The following PFDN1 variants were observed in gnomAD, a reference collection of about 807,000 sequenced individuals.
The protein encoded by PFDN1 is prefoldin 1.
A neutral mutation model predicts 17.3 loss-of-function variants in PFDN1; 6 were observed. The ratio of observed to expected loss-of-function variants is 0.35; its 90% confidence interval spans 0.19 to 0.69. The LOEUF (loss-of-function observed/expected upper bound fraction) is 0.69, where lower values mean the gene tolerates loss of function less well. Ranked by LOEUF, PFDN1 falls within the 30% of genes least tolerant of loss-of-function variation. The probability of loss-of-function intolerance (pLI) is 0.65; values close to 1 mark genes in which losing one functional copy is unlikely to be tolerated. For synonymous variants in PFDN1, 58 were observed against 50.1 expected (o/e 1.16, Z -0.67); for missense variants, 113 against 146.2 (o/e 0.77, Z 1.17).
rs779736593 is a variant in PFDN1, at chr5:140,300,444, T to A, written c.172A>T (p.Thr58Ser). Residue 58 changes from threonine to serine, a missense_variant, in exon 2 of 4, where the codon ACT (threonine) becomes TCT (serine). Transcript: ENST00000261813. ...DTEIMTLVDE[T>S]NMYEGVGRMF... The stretch of plus-strand genomic sequence containing the variant: ...CTTCCTACACCTTCATACATGTTAG[T>A]CTCATCTACCAAAGTCATGATCTCT... The A allele has an allele frequency of 1.2e-6, 2 of 1,610,228 alleles. No individual in the cohort carries two copies. The highest frequency in any genetic ancestry group is 2.7e-5 in the African/African-American group (2 of 74,856).
At chr5:140,279,020 C>CAA (rs11445186) in intron 3 of PFDN1, among the ~76,000 whole-genome samples, 44 of 151,818 alleles carry the variant, frequency 2.9e-4, no homozygotes, top group Admixed American at 9.2e-4. Flanking sequence ...TGATGGGAAT[C>CAA]AAAAAAAGAA....
chr5:140,258,734 G>A (rs1278109483), intron 3 of PFDN1, among the ~76,000 whole-genome samples: 1 of 152,192 alleles, frequency 6.6e-6, no homozygotes, highest in Non-Finnish European at 1.5e-5. Flanking sequence ...ACTGGCTTGA[G>A]GGTGCTGCCT....
chr5:140,274,941 C>A (rs1267628235), intron 3 of PFDN1, among the ~76,000 whole-genome samples: 1 of 145,398 alleles, frequency 6.9e-6, no homozygotes, highest in African/African-American at 2.6e-5. Flanking sequence ...TGCAGTGAGC[C>A]GAGATTGTGA....
At chr5:140,264,020 CAAAAAAAAAAAAAAAAAAAAAAAA>C (rs58605224) in intron 3 of PFDN1, among the ~76,000 whole-genome samples, 24,546 of 55,920 alleles carry the variant, frequency 0.44, 3,087 homozygotes, top group East Asian at 0.53. Flanking sequence ...GACTCCATCT[CAAAAAAAAAAAAAAAAAAAAAAAA>C]AAAAAAAAAA....
Position 140,283,279 on chromosome 5 carries a change from C to T in PFDN1, c.201-1746G>A, listed in dbSNP as rs570992570. Among the ~76,000 whole-genome samples the T allele has an allele frequency of 2.6e-5, 4 of 152,248 alleles. No individual in the cohort carries two copies. In the South Asian group the frequency reaches 8.3e-4, roughly 32 times the overall value. ...ACGGAGTCTCGCTCTGTTGCCCAGG[C>T]TGGAGTGCAGTGGCATGATCTTGGC... On this transcript the variant is annotated intron_variant, in intron 2 of 3. Transcript: ENST00000261813.
intron 3 of PFDN1, among the ~76,000 whole-genome samples, chr5:140,273,260 A>AAG (rs980848647): frequency 3.9e-5 from 6 of 151,964 alleles, no homozygotes; most frequent in African/African-American, 1.2e-4. Flanking sequence ...AAAAAAAAAA[A>AAG]AGAGAAAAAC....
At chr5:140,258,797 T>A (rs981129819) in intron 3 of PFDN1, among the ~76,000 whole-genome samples, 1 of 152,198 alleles carries the variant, frequency 6.6e-6, no homozygotes, top group African/African-American at 2.4e-5. Flanking sequence ...GGGAAGATTC[T>A]GAGCTTCGTT....
At chr5:140,300,364 C>A in intron 2 of PFDN1, 52 bp downstream of exon 2, 1 of 1,343,416 alleles carries the variant, frequency 7.4e-7, no homozygotes. Context: ...TTCTATTTAA[C>A]TCGGACAAAA....
chr5:140,270,701 G>A (rs567183778), intron 3 of PFDN1, among the ~76,000 whole-genome samples: 304 of 152,212 alleles, frequency 2.0e-3, no homozygotes, highest in Middle Eastern at 0.017. Flanking sequence ...CGAGGCGGGC[G>A]GATAACGGGG....
At chr5:140,253,713 C>T (rs563387452) in intron 3 of PFDN1, among the ~76,000 whole-genome samples, 3 of 152,332 alleles carry the variant, frequency 2.0e-5, no homozygotes, top group East Asian at 3.9e-4. Flanking sequence ...CAGCAAATCA[C>T]GTCAAGTGAT....
intron 2 of PFDN1, among the ~76,000 whole-genome samples, chr5:140,294,477 C>T (rs1765624703): frequency 6.6e-6 from 1 of 151,980 alleles, no homozygotes; most frequent in African/African-American, 2.4e-5. Context: ...GAGCATACCC[C>T]TTTCTATTAA....
intron 2 of PFDN1, among the ~76,000 whole-genome samples, chr5:140,286,271 G>A (rs1209070631): frequency 6.6e-6 from 1 of 151,358 alleles, no homozygotes; most frequent in Non-Finnish European, 1.5e-5. Flanking sequence ...AAATTAGCCG[G>A]TGTGGTGGCG....
At chr5:140,274,992 CAA>C (rs1268320654) in intron 3 of PFDN1, among the ~76,000 whole-genome samples, 21 of 65,612 alleles carry the variant, frequency 3.2e-4, no homozygotes, top group Admixed American at 3.5e-4. Context: ...GACTTCATCT[CAA>C]AAAAAAAAAA....
rs1330591616 is a variant in PFDN1, at chr5:140,281,533, C to G, written c.201G>C (p.Met67Ile). Residue 67 changes from methionine (M) to isoleucine (I), a missense_variant and splice_region_variant, in exon 3 of 4, where the codon ATG becomes ATC. By Grantham distance (10) the Met-to-Ile change is conservative. Coordinates refer to ENST00000261813, the MANE Select transcript of PFDN1 (RefSeq NM_002622.5). ...TTGCTTCCTTGGACTGAAGAATAAACCTATGAAACACAAGAAAGTTGAAAA... is the reference window on the plus strand; with the variant it reads ...TTGCTTCCTTGGACTGAAGAATAAAGCTATGAAACACAAGAAAGTTGAAAA... Reference protein sequence around the residue: ...ETNMYEGVGRMFILQSKEAIH... With the variant: ...ETNMYEGVGRIFILQSKEAIH... The G allele has an allele frequency of 6.5e-7, 1 of 1,532,378 alleles. No homozygotes were observed. Among genetic ancestry groups the G allele is most frequent in the South Asian group, 1.1e-5 (1 of 89,084 alleles). 94.9% of individuals were successfully genotyped at this position (1,532,378 alleles called of 1,614,324 possible). A position where few individuals can be genotyped will look rare whatever the true frequency, so the allele number is the denominator to read the frequency against.
chr5:140,295,756 T>C (rs1191302463), intron 2 of PFDN1, among the ~76,000 whole-genome samples: 20 of 152,082 alleles, frequency 1.3e-4, no homozygotes, highest in Admixed American at 1.3e-3. Context: ...AAAATAGCCA[T>C]GTATAAGAGG....
At chr5:140,247,522 A>G (rs755901278) in intron 3 of PFDN1, among the ~76,000 whole-genome samples, 2 of 151,866 alleles carry the variant, frequency 1.3e-5, no homozygotes, top group Non-Finnish European at 2.9e-5. Flanking sequence ...TCTTCCGTGA[A>G]CCTCTGATTC....
intron 2 of PFDN1, among the ~76,000 whole-genome samples, chr5:140,293,620 C>T (rs1169263908): frequency 2.6e-5 from 4 of 151,978 alleles, no homozygotes; most frequent in Non-Finnish European, 5.9e-5. Flanking sequence ...AAAAAGTACT[C>T]GTCTGCAGAA....
intron 3 of PFDN1, among the ~76,000 whole-genome samples, chr5:140,250,391 A>G (rs538374849): frequency 6.6e-6 from 1 of 152,134 alleles, no homozygotes; most frequent in Non-Finnish European, 1.5e-5. Flanking sequence ...CCAGATATTC[A>G]CATTACTCAT....
At chr5:140,251,254 C>T (rs1397345744) in intron 3 of PFDN1, among the ~76,000 whole-genome samples, 3 of 152,110 alleles carry the variant, frequency 2.0e-5, no homozygotes, top group Non-Finnish European at 4.4e-5. Flanking sequence ...ATTTATAAAT[C>T]ATAATACTTT....
Sources: allele counts gnomAD v4.1 joint callset (sites outside exome capture counted in the v4.1 genomes callset), GRCh38; gene constraint gnomAD v4.1.1; transcripts MANE v1.5; gene names NCBI Gene and HGNC (gene_info 2026-07-23, HGNC 2026-07-21).